Variants in PARP15 observed in about 807,000 individuals in gnomAD.
The protein encoded by PARP15 is poly(ADP-ribose) polymerase family member 15.
Under a neutral mutation model 62.1 loss-of-function variants are expected in PARP15, and 50 were observed. The observed-to-expected ratio is 0.81, with a 90% CI of 0.64 to 1.02. The LOEUF (loss-of-function observed/expected upper bound fraction) is 1.02. Ranked by LOEUF, PARP15 falls within the 50% of genes least tolerant of loss-of-function variation. The pLI is 0.00. For missense variants in PARP15, 820 were observed against 826.5 expected, an observed-to-expected ratio of 0.99 and a Z score of 0.10; for synonymous variants, 309 against 293.1, an observed-to-expected ratio of 1.05 and a Z score of -0.55.
chr3:122,580,635 C>T (rs1231932698), intron 1 of PARP15, among the ~76,000 whole-genome samples: 1 of 152,172 alleles, frequency 6.6e-6, no homozygotes, highest in African/African-American at 2.4e-5. Flanking sequence ...TGACATTTCA[C>T]TTAGCATAAT....
chr3:122,619,705 A>T (rs1936215250), intron 6 of PARP15, 76 bp from the exon 7 acceptor site: 4 of 1,245,700 alleles, frequency 3.2e-6, no homozygotes, highest in African/African-American at 1.5e-5. Context: ...AGTTGAGCAG[A>T]AGTCTAATGT....
At chr3:122,578,017 G>A (rs2080719273) in intron 1 of PARP15, among the ~76,000 whole-genome samples, 164 bp downstream of exon 1, 2 of 151,192 alleles carry the variant, frequency 1.3e-5, no homozygotes, top group Non-Finnish European at 2.9e-5. Flanking sequence ...AGAGGGGGAT[G>A]CGTGCTGCTT....
At chr3:122,627,112 G>A (rs2107590582) in intron 9 of PARP15, 79 bp downstream of exon 9, 1 of 1,190,546 alleles carries the variant, frequency 8.4e-7, no homozygotes, top group Non-Finnish European at 1.2e-6. Flanking sequence ...AATGTACACT[G>A]AGTTTATAGT....
At chr3:122,579,993 CTATATGTATATATATATATATA>C (rs60656554) in intron 1 of PARP15, among the ~76,000 whole-genome samples, 14,374 of 70,862 alleles carry the variant, frequency 0.2, 1,124 homozygotes, top group Admixed American at 0.24. Flanking sequence ...ACAACAGCAA[CTATATGTATATATATATATATA>C]TATATATATA....
At position 122,577,789 on chromosome 3, in the gene PARP15, G is replaced by A. The variant is rs986777457; in HGVS notation, c.122G>A (p.Ser41Asn). Reference sequence around the variant, plus strand: ...GCCGGACGAGATCGGGAGGCGGGGAGCGTGCTGCCGGCCGGGAACCGTGGG... The same window carrying A: ...GCCGGACGAGATCGGGAGGCGGGGAACGTGCTGCCGGCCGGGAACCGTGGG... Reference protein sequence around the residue: ...SRAGRDREAGSVLPAGNRGAR... With the variant: ...SRAGRDREAGNVLPAGNRGAR... Residue 41 changes from serine (S) to asparagine (N), a missense_variant, in exon 1 of 12, where the codon AGC (serine) becomes AAC (asparagine). By Grantham distance (46) the Ser-to-Asn change is conservative. Coordinates refer to ENST00000464300, the MANE Select transcript of PARP15 (RefSeq NM_001113523.3). 15 of 1,551,348 alleles carry A rather than the reference G, an allele frequency of 9.7e-6. No individual in the cohort carries two copies. The highest frequency in any genetic ancestry group is 1.3e-5 in the Non-Finnish European group (15 of 1,146,888).
At chr3:122,616,631 C>A (rs930008084) in intron 5 of PARP15, among the ~76,000 whole-genome samples, 4 of 152,128 alleles carry the variant, frequency 2.6e-5, no homozygotes, top group African/African-American at 9.7e-5. Flanking sequence ...TATTGCTACA[C>A]CTGTGGTAAT....
intron 7 of PARP15, 181 bp from the exon 8 acceptor site, chr3:122,621,263 C>T (rs1936320854): frequency 3.2e-6 from 2 of 615,526 alleles, no homozygotes; most frequent in Non-Finnish European, 5.5e-6. Flanking sequence ...TTGTTGAGCT[C>T]GAGAATTCTG....
chr3:122,615,702 G>A (rs1935914857), intron 4 of PARP15, 77 bp from the exon 5 acceptor site: 1 of 1,602,552 alleles, frequency 6.2e-7, no homozygotes, highest in Middle Eastern at 1.7e-4. Context: ...TTTGATATCT[G>A]ATGATCAATG....
chr3:122,581,562 A>G (rs963398718), intron 1 of PARP15, among the ~76,000 whole-genome samples: 17 of 152,270 alleles, frequency 1.1e-4, no homozygotes, highest in African/African-American at 3.8e-4. Flanking sequence ...AGAAATGTCT[A>G]TTCAAGTCCT....
intron 2 of PARP15, among the ~76,000 whole-genome samples, chr3:122,610,057 C>A (rs967048780): frequency 6.6e-6 from 1 of 152,198 alleles, no homozygotes; most frequent in Non-Finnish European, 1.5e-5. Flanking sequence ...ATTCTCAGTT[C>A]CTGCCAGGCT....
chr3:122,609,658 A>G (rs1935418500), intron 2 of PARP15, among the ~76,000 whole-genome samples: 1 of 151,306 alleles, frequency 6.6e-6, no homozygotes, highest in Admixed American at 6.6e-5. Flanking sequence ...AGATCATGCC[A>G]CTGCACTCCA....
At chr3:122,625,758 T>A (rs1293099788) in intron 8 of PARP15, among the ~76,000 whole-genome samples, 1 of 152,234 alleles carries the variant, frequency 6.6e-6, no homozygotes, top group South Asian at 2.1e-4. Flanking sequence ...TCCAAGATTA[T>A]GAGAACATCA....
chr3:122,626,776 C>T (rs752950093), intron 8 of PARP15, 51 bp from the exon 9 acceptor site: 1 of 1,528,002 alleles, frequency 6.5e-7, no homozygotes, highest in East Asian at 2.3e-5. Context: ...CATATTTCAT[C>T]ATATTAGCAA....
intron 2 of PARP15, 27 bp downstream of exon 2, chr3:122,606,082 C>T (rs1935143176): frequency 1.3e-6 from 2 of 1,546,546 alleles, no homozygotes; most frequent in Admixed American, 2.0e-5. Flanking sequence ...AATAAATCTA[C>T]CAAGGAACAG....
intron 1 of PARP15, 98 bp from the exon 2 acceptor site, chr3:122,605,838 T>C (rs1375063336): frequency 5.3e-5 from 68 of 1,286,298 alleles, no homozygotes; most frequent in Non-Finnish European, 7.0e-5. Context: ...CACCTAGTCT[T>C]CCAAAGTGCT....
intron 9 of PARP15, among the ~76,000 whole-genome samples, chr3:122,630,479 G>T (rs988933968): frequency 6.6e-5 from 10 of 152,136 alleles, no homozygotes; most frequent in Non-Finnish European, 1.5e-4. Flanking sequence ...CAGCCCAGGA[G>T]TTTGAGACCA....
chr3:122,583,929 C>G (rs1322170955), intron 1 of PARP15, among the ~76,000 whole-genome samples: 1 of 152,202 alleles, frequency 6.6e-6, no homozygotes, highest in Non-Finnish European at 1.5e-5. Context: ...AGTCCCAAGT[C>G]TGTCTGTCTC....
At chr3:122,635,335 G>A (rs1454410568) in intron 11 of PARP15, 141 bp downstream of exon 11, 1 of 681,246 alleles carries the variant, frequency 1.5e-6, no homozygotes, top group African/African-American at 1.9e-5. Flanking sequence ...CTGTAAAGGA[G>A]ACTGGCAACC....
intron 2 of PARP15, among the ~76,000 whole-genome samples, chr3:122,609,091 G>C (rs1034913512): frequency 1.3e-5 from 2 of 152,072 alleles, no homozygotes; most frequent in Admixed American, 1.3e-4. Context: ...TCCCTAAACT[G>C]TGTAGGAATC....
Sources: gnomAD v4.1 joint callset for allele counts (sites outside exome capture counted in the v4.1 genomes callset) on GRCh38, gnomAD v4.1.1 for gene constraint, MANE v1.5 for transcripts, NCBI Gene and HGNC (gene_info 2026-07-23, HGNC 2026-07-21) for gene names.